SLC24A2: variants seen among roughly 807,000 people sequenced by gnomAD.
SLC24A2 encodes the protein solute carrier family 24 member 2.
Under a neutral mutation model 62.0 loss-of-function variants are expected in SLC24A2, and 36 were observed. That is an observed-to-expected ratio of 0.58 (90% CI 0.44 to 0.77). The LOEUF is 0.77. Among genes scored for constraint, SLC24A2 ranks in the 30% least tolerant of loss-of-function variants. The probability of loss-of-function intolerance (pLI) is 0.00; values close to 1 mark genes in which losing one functional copy is unlikely to be tolerated. For synonymous variants in SLC24A2, 358 were observed against 294.0 expected (o/e 1.22, Z -2.23); for missense variants, 846 against 817.9 (o/e 1.03, Z -0.42).
the SLC24A2 span, among the ~76,000 whole-genome samples, chr9:20,031,688 T>C: frequency 6.6e-6 from 1 of 152,064 alleles, no homozygotes; most frequent in Non-Finnish European, 1.5e-5. Flanking sequence ...GAACACAGCC[T>C]CCATATACAT....
At chr9:19,591,778 C>T (rs935204549) in intron 5 of SLC24A2, among the ~76,000 whole-genome samples, 14 of 152,152 alleles carry the variant, frequency 9.2e-5, no homozygotes, top group African/African-American at 2.2e-4. Flanking sequence ...GTCTGCTACT[C>T]GAATTCTTAC....
At chr9:19,735,654 T>G (rs576216575) in intron 2 of SLC24A2, among the ~76,000 whole-genome samples, 2 of 152,252 alleles carry the variant, frequency 1.3e-5, no homozygotes, top group East Asian at 3.9e-4. Flanking sequence ...GTGGCACATA[T>G]ACACCATGGA....
At position 19,636,309 on chromosome 9, in the gene SLC24A2, CTTTTCT is replaced by C. The variant is rs1470264732; in HGVS notation, c.931-14016_931-14011del. ...CTCTTCTTTTCTTTTCTTTTCTTTT[CTTTTCT>C]TTTCTTTCTTTCTTTCTTTCTTTCT... is the stretch of plus-strand genomic sequence containing the variant. On this transcript the variant is annotated intron_variant, in intron 2 of 10. Coordinates refer to ENST00000341998, the MANE Select transcript of SLC24A2 (RefSeq NM_020344.4). Among the ~76,000 whole-genome samples, 97 of 40,432 alleles carry C rather than the reference CTTTTCT, an allele frequency of 2.4e-3. 3 individuals carry two copies. The highest frequency in any genetic ancestry group is 6.7e-3 in the African/African-American group (67 of 10,012). 26.5% of individuals were successfully genotyped at this position (40,432 alleles called of 152,430 possible).
intron 2 of SLC24A2, among the ~76,000 whole-genome samples, chr9:19,678,047 G>T (rs1333107201): frequency 1.3e-5 from 2 of 152,054 alleles, no homozygotes; most frequent in Non-Finnish European, 2.9e-5. Flanking sequence ...CAGTAGCTTC[G>T]CAGATCTAGC....
At chr9:19,737,612 T>C (rs1204906658) in intron 2 of SLC24A2, among the ~76,000 whole-genome samples, 2 of 152,090 alleles carry the variant, frequency 1.3e-5, no homozygotes, top group Non-Finnish European at 2.9e-5. Context: ...TGTATACATT[T>C]TGATATATTT....
chr9:19,951,080 T>C, the SLC24A2 span, among the ~76,000 whole-genome samples: 1 of 152,216 alleles, frequency 6.6e-6, no homozygotes, highest in Non-Finnish European at 1.5e-5. Context: ...GGCTCCTCCA[T>C]CAGGCCTTTG....
chr9:19,535,945 T>G (rs928057128), intron 8 of SLC24A2, among the ~76,000 whole-genome samples: 4 of 152,136 alleles, frequency 2.6e-5, no homozygotes, highest in African/African-American at 9.7e-5. Context: ...TATGGCCATT[T>G]TCATGATAGT....
chr9:20,207,102 G>A, the SLC24A2 span, among the ~76,000 whole-genome samples: 1 of 152,156 alleles, frequency 6.6e-6, no homozygotes, highest in Non-Finnish European at 1.5e-5. Context: ...AACATTCACT[G>A]AAGGAATAAA....
chr9:19,556,667 T>C (rs12335811), intron 7 of SLC24A2, among the ~76,000 whole-genome samples: 27,871 of 152,146 alleles, frequency 0.18, 3,906 homozygotes, highest in African/African-American at 0.39. Flanking sequence ...TTAGGAGTGC[T>C]ACCTCTTATC....
intron 2 of SLC24A2, among the ~76,000 whole-genome samples, chr9:19,766,309 A>G (rs1296126870): frequency 1.3e-5 from 2 of 152,194 alleles, no homozygotes; most frequent in Non-Finnish European, 2.9e-5. Context: ...CAATTCGTCA[A>G]ACTCATTCTC....
At chr9:20,297,336 G>C in the SLC24A2 span, among the ~76,000 whole-genome samples, 1 of 152,180 alleles carries the variant, frequency 6.6e-6, no homozygotes, top group South Asian at 2.1e-4. Flanking sequence ...TGATGAAGGA[G>C]AGAAACTAGA....
chr9:19,910,312 A>C, the SLC24A2 span, among the ~76,000 whole-genome samples: 1 of 152,080 alleles, frequency 6.6e-6, no homozygotes, highest in African/African-American at 2.4e-5. Context: ...AAAATTTTCA[A>C]AATAATTCCG....
the SLC24A2 span, among the ~76,000 whole-genome samples, chr9:20,102,331 T>C: frequency 6.6e-6 from 1 of 152,124 alleles, no homozygotes; most frequent in Non-Finnish European, 1.5e-5. Flanking sequence ...TAAGAGATCA[T>C]GTCCTTTGCA....
At chr9:19,790,781 T>C (rs1823309823), upstream of SLC24A2, among the ~76,000 whole-genome samples, 1 of 152,202 alleles carries the variant, frequency 6.6e-6, no homozygotes, top group Non-Finnish European at 1.5e-5. Flanking sequence ...TTGTCTACTT[T>C]CCTAGTTTAA....
the SLC24A2 span, among the ~76,000 whole-genome samples, chr9:19,906,382 T>A: frequency 6.7e-6 from 1 of 150,296 alleles, no homozygotes; most frequent in South Asian, 2.1e-4. Context: ...GCAGGAAAGA[T>A]CTAAAATTGA....
At chr9:19,539,380 G>A (rs1834141837) in intron 8 of SLC24A2, among the ~76,000 whole-genome samples, 1 of 151,006 alleles carries the variant, frequency 6.6e-6, no homozygotes, top group African/African-American at 2.4e-5. Flanking sequence ...CTTTGAATGT[G>A]TCCCAGAGAT....
At chr9:20,210,563 T>A in the SLC24A2 span, among the ~76,000 whole-genome samples, 8 of 144,078 alleles carry the variant, frequency 5.6e-5, no homozygotes, top group African/African-American at 2.1e-4. Flanking sequence ...AAGCTCCGCC[T>A]CCCGGGTTCA....
At chr9:19,821,541 G>C in the SLC24A2 span, among the ~76,000 whole-genome samples, 1 of 152,090 alleles carries the variant, frequency 6.6e-6, no homozygotes. Context: ...ATTGGGAGTA[G>C]AACTTCTGAA....
intron 9 of SLC24A2, 47 bp downstream of exon 9, chr9:19,528,002 G>A (rs758347507): frequency 3.4e-5 from 39 of 1,151,724 alleles, no homozygotes; most frequent in Non-Finnish European, 4.6e-5. Flanking sequence ...TTGACAATCA[G>A]GACTGGAGAA....
Sources: allele counts gnomAD v4.1 joint callset (sites outside exome capture counted in the v4.1 genomes callset), GRCh38; gene constraint gnomAD v4.1.1; transcripts MANE v1.5; gene names NCBI Gene and HGNC (gene_info 2026-07-23, HGNC 2026-07-21).